The following PLEKHA5 variants were observed in gnomAD, a reference collection of about 807,000 sequenced individuals.
PLEKHA5 encodes pleckstrin homology domain containing A5.
A neutral mutation model predicts 181.9 loss-of-function variants in PLEKHA5; 55 were observed. The observed-to-expected ratio is 0.30, with a 90% CI of 0.24 to 0.38. PLEKHA5 has a LOEUF of 0.38. PLEKHA5 is among the 10% of genes least tolerant of loss of function. The pLI is 1.00. For synonymous variants in PLEKHA5, 535 were observed against 529.4 expected (o/e 1.01, Z -0.15); for missense variants, 1,432 against 1,549.5 (o/e 0.92, Z 1.27).
chr12:19,261,533 A>T (rs1565533998), intron 7 of PLEKHA5, among the ~76,000 whole-genome samples: 1 of 152,214 alleles, frequency 6.6e-6, no homozygotes, highest in Non-Finnish European at 1.5e-5. Context: ...TTAAATAAAA[A>T]TCCAGAGATG....
chr12:19,208,471 A>G (rs918693270), intron 3 of PLEKHA5, among the ~76,000 whole-genome samples: 1 of 151,988 alleles, frequency 6.6e-6, no homozygotes, highest in African/African-American at 2.4e-5. Context: ...ATTGAAACAC[A>G]TCATACTCAT....
chr12:19,167,591 C>A (rs1222159931), intron 3 of PLEKHA5, among the ~76,000 whole-genome samples: 1 of 151,786 alleles, frequency 6.6e-6, no homozygotes, highest in African/African-American at 2.4e-5. Context: ...TCATTAATTT[C>A]ATTCACTCAG....
intron 3 of PLEKHA5, among the ~76,000 whole-genome samples, chr12:19,235,039 A>T (rs574053921): frequency 2.6e-5 from 4 of 152,014 alleles, no homozygotes; most frequent in Admixed American, 1.3e-4. Context: ...CTTTTATTGT[A>T]TGAGGAGTTT....
chr12:19,337,490 A>G (rs2093527665), intron 21 of PLEKHA5, among the ~76,000 whole-genome samples: 1 of 146,872 alleles, frequency 6.8e-6, no homozygotes, highest in South Asian at 2.3e-4. Flanking sequence ...TGGAGGTTGC[A>G]GTGAGCTGAG....
At chr12:19,345,967 T>G in intron 23 of PLEKHA5, 79 bp downstream of exon 23, 2 of 681,776 alleles carry the variant, frequency 2.9e-6, no homozygotes, top group Admixed American at 2.7e-5. Flanking sequence ...TCTTCTCTAA[T>G]CTTAATAACA....
chr12:19,149,004 T>G (rs1212167326), intron 3 of PLEKHA5, among the ~76,000 whole-genome samples: 1 of 152,158 alleles, frequency 6.6e-6, no homozygotes, highest in African/African-American at 2.4e-5. Context: ...AGAAGTAAAG[T>G]CCTTTGGGGT....
chr12:19,363,358 C>T (rs1000299362), intron 29 of PLEKHA5, among the ~76,000 whole-genome samples: 3 of 151,268 alleles, frequency 2.0e-5, no homozygotes, highest in African/African-American at 7.3e-5. Flanking sequence ...TTAGTAGAGA[C>T]GGGGTTTCAC....
intron 6 of PLEKHA5, among the ~76,000 whole-genome samples, chr12:19,260,128 C>T (rs1157358271): frequency 6.6e-6 from 1 of 151,934 alleles, no homozygotes; most frequent in Non-Finnish European, 1.5e-5. Flanking sequence ...CTCTTTTTTG[C>T]ATGATGAGCA....
intron 3 of PLEKHA5, among the ~76,000 whole-genome samples, chr12:19,198,368 ACT>A (rs1470982132): frequency 4.6e-5 from 7 of 151,554 alleles, no homozygotes; most frequent in Non-Finnish European, 7.4e-5. Context: ...CTAACTGTCC[ACT>A]CTCTCTATCC....
chr12:19,202,492 A>T (rs903522167), intron 3 of PLEKHA5, among the ~76,000 whole-genome samples: 14 of 152,164 alleles, frequency 9.2e-5, no homozygotes, highest in East Asian at 5.8e-4. Context: ...CTCCACTGAC[A>T]GGTCAGGTTG....
chr12:19,173,320 G>A (rs2046433694), intron 3 of PLEKHA5, among the ~76,000 whole-genome samples: 1 of 152,048 alleles, frequency 6.6e-6, no homozygotes, highest in Non-Finnish European at 1.5e-5. Context: ...ACCGCGCCCG[G>A]CCCTTGATTT....
chr12:19,322,026 T>C (rs565701633), intron 18 of PLEKHA5, among the ~76,000 whole-genome samples: 47 of 152,290 alleles, frequency 3.1e-4, no homozygotes, highest in Admixed American at 1.2e-3. Context: ...AAGTGATCTA[T>C]TGTTTATATT....
At chr12:19,351,873 A>G (rs2153221832) in intron 25 of PLEKHA5, among the ~76,000 whole-genome samples, 1 of 152,264 alleles carries the variant, frequency 6.6e-6, no homozygotes, top group Non-Finnish European at 1.5e-5. Context: ...CAGGAGTTCC[A>G]GACCAGCCTG....
chr12:19,263,440 A>C (rs370612271), intron 7 of PLEKHA5, among the ~76,000 whole-genome samples: 2 of 152,274 alleles, frequency 1.3e-5, no homozygotes, highest in South Asian at 2.1e-4. Context: ...CCCCACTCAG[A>C]TATCCTCTTC....
At chr12:19,233,137 T>G (rs1175120379) in intron 3 of PLEKHA5, among the ~76,000 whole-genome samples, 1 of 152,228 alleles carries the variant, frequency 6.6e-6, no homozygotes, top group Non-Finnish European at 1.5e-5. Flanking sequence ...AATTTACTTT[T>G]GTAATTAGTG....
chr12:19,275,186 G>A (rs1183979552), intron 11 of PLEKHA5, among the ~76,000 whole-genome samples: 1 of 152,052 alleles, frequency 6.6e-6, no homozygotes, highest in African/African-American at 2.4e-5. Flanking sequence ...TTTGCTAATG[G>A]CAAGGAGTCA....
chr12:19,229,814 AT>A (rs2060215166), intron 3 of PLEKHA5, among the ~76,000 whole-genome samples: 2 of 152,020 alleles, frequency 1.3e-5, no homozygotes, highest in South Asian at 4.2e-4. Flanking sequence ...CAGAGAGCTG[AT>A]TGGTCCGTTT....
Position 19,261,026 on chromosome 12 carries a change from GT to G in PLEKHA5, c.610+8del. 6.5e-7 allele frequency: 1 copy of G among 1,534,406 alleles called. No individual in the cohort carries two copies. Among genetic ancestry groups the G allele is most frequent in the Non-Finnish European group, 9.0e-7 (1 of 1,112,552 alleles). On this transcript the variant is annotated splice_donor_region_variant and intron_variant, in intron 7 of 31. Coordinates refer to ENST00000429027, the MANE Select transcript of PLEKHA5 (RefSeq NM_001256470.2). ...TTTGCCTCTTTTATTATAGAGGTAAGTTTACCCTACTGTCTTAGTGTATTAT... is the reference window on the plus strand; with the variant it reads ...TTTGCCTCTTTTATTATAGAGGTAAGTTACCCTACTGTCTTAGTGTATTAT...
At chr12:19,307,263 A>G (rs1206750389) in intron 15 of PLEKHA5, 7 of 459,990 alleles carry the variant, frequency 1.5e-5, no homozygotes, top group Non-Finnish European at 1.6e-5. Flanking sequence ...ACTTGAGGTC[A>G]GGAGTTCGAG....
Sources: gnomAD v4.1 joint callset for allele counts (sites outside exome capture counted in the v4.1 genomes callset) on GRCh38, gnomAD v4.1.1 for gene constraint, MANE v1.5 for transcripts, NCBI Gene and HGNC (gene_info 2026-07-23, HGNC 2026-07-21) for gene names.